The following PDE3A variants were observed in gnomAD, a reference collection of about 807,000 sequenced individuals.
PDE3A encodes the protein cGMP-inhibited 3',5'-cyclic phosphodiesterase 3A.
In PDE3A, 43 loss-of-function variants were observed where a neutral mutation model predicts 98.3. That is an observed-to-expected ratio of 0.44 (90% CI 0.34 to 0.56). The LOEUF (loss-of-function observed/expected upper bound fraction) is 0.56, where lower values mean the gene tolerates loss of function less well. Ranked by LOEUF, PDE3A falls within the 20% of genes least tolerant of loss-of-function variation. PDE3A has a pLI of 0.01. For missense variants in PDE3A, 1,427 were observed against 1,440.7 expected, an observed-to-expected ratio of 0.99 and a Z score of 0.15; for synonymous variants, 663 against 567.9, an observed-to-expected ratio of 1.17 and a Z score of -2.38.
intron 2 of PDE3A, among the ~76,000 whole-genome samples, chr12:20,604,387 C>T (rs957973269): frequency 6.6e-6 from 1 of 152,092 alleles, no homozygotes; most frequent in African/African-American, 2.4e-5. Context: ...ATGAAAAAAA[C>T]TTTCTCTTAT....
chr12:20,492,732 A>G (rs912453448), intron 1 of PDE3A, among the ~76,000 whole-genome samples: 9 of 152,046 alleles, frequency 5.9e-5, no homozygotes, highest in Non-Finnish European at 1.3e-4. Flanking sequence ...GGTGATTATA[A>G]ATACTCACCT....
At chr12:20,607,355 T>C (rs1488421802) in intron 2 of PDE3A, among the ~76,000 whole-genome samples, 2 of 150,456 alleles carry the variant, frequency 1.3e-5, no homozygotes, top group Non-Finnish European at 2.9e-5. Flanking sequence ...GAGGATTACT[T>C]GAGCCCAGGA....
At chr12:20,580,728 A>G (rs1278830812) in intron 2 of PDE3A, among the ~76,000 whole-genome samples, 1 of 152,218 alleles carries the variant, frequency 6.6e-6, no homozygotes, top group Non-Finnish European at 1.5e-5. Context: ...ATCAAGAGCA[A>G]TAATGTGTGC....
chr12:20,476,467 G>A (rs894561659), intron 1 of PDE3A, among the ~76,000 whole-genome samples: 2 of 152,124 alleles, frequency 1.3e-5, no homozygotes, highest in African/African-American at 4.8e-5. Context: ...GAATGTCAAC[G>A]GACATTTAAA....
chr12:20,673,703 TG>T (rs1240889716), intron 15 of PDE3A, among the ~76,000 whole-genome samples: 4 of 85,274 alleles, frequency 4.7e-5, no homozygotes, highest in East Asian at 8.2e-4. Flanking sequence ...TGTTGTGGGG[TG>T]GGGGGAGGGG....
At chr12:20,653,843 T>C in intron 14 of PDE3A, 104 bp from the exon 15 acceptor site, 1 of 1,177,012 alleles carries the variant, frequency 8.5e-7, no homozygotes, top group African/African-American at 1.5e-5. Context: ...TAGGATCCTT[T>C]AGCTGTCAAG....
At chr12:20,525,025 G>A (rs954685522) in intron 1 of PDE3A, among the ~76,000 whole-genome samples, 2 of 152,126 alleles carry the variant, frequency 1.3e-5, no homozygotes, top group African/African-American at 2.4e-5. Context: ...TCAGCTACTT[G>A]GGAGGCTGAG....
chr12:20,475,178 AGTG>A (rs1945508626), intron 1 of PDE3A, among the ~76,000 whole-genome samples: 1 of 92,456 alleles, frequency 1.1e-5, no homozygotes, highest in African/African-American at 4.1e-5. Context: ...AATGTGTGTG[AGTG>A]TGTGTGTGTG....
At chr12:20,679,373 G>A (rs140915988) in intron 15 of PDE3A, among the ~76,000 whole-genome samples, 1,537 of 152,138 alleles carry the variant, frequency 0.01, 26 homozygotes, top group African/African-American at 0.035. Context: ...TCAACCTCCT[G>A]AGTAGCTGGG....
chr12:20,386,990 T>C (rs760075249), intron 1 of PDE3A, among the ~76,000 whole-genome samples: 9 of 152,122 alleles, frequency 5.9e-5, no homozygotes, highest in Non-Finnish European at 1.3e-4. Context: ...TTTCTGGGTA[T>C]GGCTAGCCAG....
chr12:20,676,242 T>C (rs1015672661), intron 15 of PDE3A, among the ~76,000 whole-genome samples: 1 of 152,162 alleles, frequency 6.6e-6, no homozygotes, highest in African/African-American at 2.4e-5. Context: ...CCCTGAGGTA[T>C]TTCTTGTAGT....
At position 20,650,582 on chromosome 12, in the gene PDE3A, C is replaced by A; in HGVS notation, c.2907C>A (p.Val969=). 6.2e-7 allele frequency: 1 copy of A among 1,610,406 alleles called. No individual in the cohort carries two copies. The highest frequency in any genetic ancestry group is 1.1e-5 in the South Asian group (1 of 90,824). The change falls in exon 14 of 16, where the codon GTC becomes GTA. Residue 969 remains valine, a synonymous_variant. Coordinates refer to ENST00000359062, the MANE Select transcript of PDE3A (RefSeq NM_000921.5). ...ELHLQWTDGI[V]NEFYEQGDEE... ...ATCTTCAGTGGACAGATGGTATTGT[C>A]AATGAATTTTATGAACAGGTAACTG...
intron 1 of PDE3A, chr12:20,551,717 G>A (rs1942206877): frequency 1.2e-6 from 2 of 1,613,686 alleles, no homozygotes; most frequent in East Asian, 2.2e-5. Context: ...TGCCCTGAGT[G>A]CCGGAATGAT....
intron 2 of PDE3A, among the ~76,000 whole-genome samples, chr12:20,600,384 T>A (rs1156260173): frequency 6.6e-6 from 1 of 152,142 alleles, no homozygotes; most frequent in Non-Finnish European, 1.5e-5. Flanking sequence ...CCACACATAC[T>A]GATGATGCCA....
chr12:20,579,411 C>G (rs769604312), intron 2 of PDE3A, among the ~76,000 whole-genome samples: 1 of 151,614 alleles, frequency 6.6e-6, no homozygotes, highest in Non-Finnish European at 1.5e-5. Context: ...TTTTTTTTAT[C>G]CTTGCAAACA....
At chr12:20,657,243 A>G (rs969605200) in intron 15 of PDE3A, among the ~76,000 whole-genome samples, 4 of 152,190 alleles carry the variant, frequency 2.6e-5, no homozygotes, top group South Asian at 2.1e-4. Context: ...CTCACTTTAC[A>G]TATATTAAAC....
chr12:20,661,740 A>G lies in PDE3A; in HGVS notation c.3184+7535A>G, dbSNP rs148504746. Among the ~76,000 whole-genome samples, 187 of 152,284 alleles carry G rather than the reference A, an allele frequency of 1.2e-3. 1 individual carries two copies. The highest frequency in any genetic ancestry group is 4.4e-3 in the African/African-American group (181 of 41,560). On this transcript the variant is annotated intron_variant, in intron 15 of 15. Transcript: ENST00000359062. The stretch of plus-strand genomic sequence containing the variant: ...CTGAGGTTTGGGAACCTCTGCCTAT[A>G]TTTCAGAGGGTGTACGGAAATGCTT...
chr12:20,604,756 A>G (rs998987390), intron 2 of PDE3A, among the ~76,000 whole-genome samples: 4 of 152,202 alleles, frequency 2.6e-5, no homozygotes, highest in African/African-American at 9.7e-5. Flanking sequence ...AACTTAATAC[A>G]TAGAGTATGC....
intron 1 of PDE3A, among the ~76,000 whole-genome samples, chr12:20,510,890 A>G (rs745850365): frequency 2.6e-5 from 4 of 152,112 alleles, no homozygotes; most frequent in Non-Finnish European, 4.4e-5. Context: ...TTTGCTCAAA[A>G]AAACACTTAT....
Sources: gnomAD v4.1 joint callset for allele counts (sites outside exome capture counted in the v4.1 genomes callset) on GRCh38, gnomAD v4.1.1 for gene constraint, MANE v1.5 for transcripts, NCBI Gene and HGNC (gene_info 2026-07-23, HGNC 2026-07-21) for gene names.